The following BGN variants were observed in gnomAD, a reference collection of about 807,000 sequenced individuals.
BGN encodes the protein biglycan, also known as bone/cartilage proteoglycan-I.
BGN carries 6 observed loss-of-function variants against 20.0 expected under a neutral mutation model. The ratio of observed to expected loss-of-function variants is 0.30; its 90% CI spans 0.16 to 0.59. The LOEUF (loss-of-function observed/expected upper bound fraction) is 0.59. BGN is among the 20% of genes least tolerant of loss of function. The probability of loss-of-function intolerance (pLI) is 0.88; values close to 1 mark genes in which losing one functional copy is unlikely to be tolerated. For missense variants in BGN, 292 were observed against 312.1 expected, an observed-to-expected ratio of 0.94 and a Z score of 0.49; for synonymous variants, 146 against 134.6, an observed-to-expected ratio of 1.08 and a Z score of -0.59.
chrX:153,508,324 G>A lies in BGN; in HGVS notation c.986G>A (p.Arg329Gln), dbSNP rs192608410. ...TGTCCCATGGGCTTCGGGGTGAAGCGGGCCTACTACAACGGCATCAGCCTC... is the reference window on the plus strand; with the variant it reads ...TGTCCCATGGGCTTCGGGGTGAAGCAGGCCTACTACAACGGCATCAGCCTC... Reference protein sequence around the residue: ...DFCPMGFGVKRAYYNGISLFN... With the variant: ...DFCPMGFGVKQAYYNGISLFN... The change falls in exon 8 of 8, where the codon CGG becomes CAG. Residue 329 changes from arginine to glutamine, a missense_variant. Transcript: ENST00000331595. The A allele has an allele frequency of 2.1e-5, 26 of 1,210,920 alleles. No homozygotes were observed. The highest frequency in any genetic ancestry group is 1.2e-4 in the South Asian group (7 of 56,919).
At chrX:153,497,193 C>G (rs1376008064) in intron 1 of BGN, among the ~76,000 whole-genome samples, 1 of 104,949 alleles carries the variant, frequency 9.5e-6, no homozygotes, top group African/African-American at 3.5e-5. Context: ...AGAGCTTGGT[C>G]CCTGCCGCAC....
intron 1 of BGN, among the ~76,000 whole-genome samples, chrX:153,504,300 G>C (rs782626163): frequency 8.9e-6 from 1 of 112,614 alleles, no homozygotes; most frequent in South Asian, 3.6e-4. Context: ...AGACTCAGAG[G>C]CGTGGGGGCC....
intron 2 of BGN, 112 bp downstream of exon 2, chrX:153,504,981 G>C: frequency 1.2e-6 from 1 of 845,848 alleles, no homozygotes; most frequent in Non-Finnish European, 1.7e-6. Flanking sequence ...CGAGCATGAT[G>C]TAAGTGTAGG....
intron 1 of BGN, among the ~76,000 whole-genome samples, chrX:153,496,427 C>T (rs1389659258): frequency 2.7e-5 from 3 of 113,079 alleles, no homozygotes; most frequent in African/African-American, 6.4e-5. Context: ...TGTCTTGGTG[C>T]GGAGCATGCC....
At position 153,508,291 on chromosome X, in the gene BGN, A is replaced by G. The variant is rs1447183475; in HGVS notation, c.953A>G (p.Asn318Ser). 1.7e-6 allele frequency: 2 copies of G among 1,212,084 alleles called. No individual in the cohort carries two copies. The highest frequency in any genetic ancestry group is 2.2e-6 in the Non-Finnish European group (2 of 895,600). The change falls in exon 8 of 8, where the codon AAC becomes AGC. Residue 318 changes from asparagine (N) to serine (S), a missense_variant. By Grantham distance (46) the Asn-to-Ser change is conservative. Coordinates refer to ENST00000331595, the MANE Select transcript of BGN (RefSeq NM_001711.6). Reference protein sequence around the residue: ...HSNNITKVGVNDFCPMGFGVK... With the variant: ...HSNNITKVGVSDFCPMGFGVK... Reference sequence around the variant, plus strand: ...AACAACATCACCAAAGTGGGTGTCAACGACTTCTGTCCCATGGGCTTCGGG... The same window carrying G: ...AACAACATCACCAAAGTGGGTGTCAGCGACTTCTGTCCCATGGGCTTCGGG...
intron 1 of BGN, among the ~76,000 whole-genome samples, chrX:153,502,938 T>G (rs782273004): frequency 9.0e-6 from 1 of 111,419 alleles, no homozygotes; most frequent in South Asian, 3.8e-4. Context: ...TCCACAGGTG[T>G]GGGAGGGCGC....
At chrX:153,503,586 G>A (rs1169066471) in intron 1 of BGN, among the ~76,000 whole-genome samples, 3 of 112,360 alleles carry the variant, frequency 2.7e-5, no homozygotes, top group Non-Finnish European at 5.6e-5. Context: ...GCCTCTTCCT[G>A]TAGGGCACAT....
intron 1 of BGN, among the ~76,000 whole-genome samples, chrX:153,496,026 GC>G (rs1446463143): frequency 1.8e-5 from 2 of 112,363 alleles, no homozygotes; most frequent in Non-Finnish European, 3.8e-5. Flanking sequence ...GGAGGGGAGC[GC>G]CCCCTCACTG....
chrX:153,508,542 C>A lies in BGN; in HGVS notation c.*97C>A. The stretch of plus-strand genomic sequence containing the variant: ...GCAGAGCCAGGAAGCTAAGCCAGGG[C>A]CCAGCTGCGTCCAACCCAGCCCCCC... On this transcript the variant is annotated 3_prime_UTR_variant, in exon 8 of 8. Coordinates refer to ENST00000331595, the MANE Select transcript of BGN (RefSeq NM_001711.6). The A allele has an allele frequency of 9.9e-7, 1 of 1,008,093 alleles. No homozygotes were observed. 83.1% of individuals were successfully genotyped at this position (1,008,093 alleles called of 1,213,427 possible).
In BGN at chrX:153,508,582, AC is replaced by A. The variant is rs2089820263; in HGVS notation, c.*141del. 1.3e-6 allele frequency: 1 copy of A among 746,589 alleles called. No individual in the cohort carries two copies. 61.5% of individuals were successfully genotyped at this position (746,589 alleles called of 1,213,427 possible). The stretch of plus-strand genomic sequence containing the variant: ...CCCAGCCCCCCACCTCGGGTCCCTG[AC>A]CCCAGCTCGATGCCCCATCACCGCC... On this transcript the variant is annotated 3_prime_UTR_variant, in exon 8 of 8. Transcript: ENST00000331595.
intron 7 of BGN, among the ~76,000 whole-genome samples, chrX:153,507,587 C>T (rs1348150633): frequency 8.8e-6 from 1 of 113,143 alleles, no homozygotes; most frequent in Non-Finnish European, 1.9e-5. Context: ...TGGCCTGGCC[C>T]GCAACCAGGT....
chrX:153,507,250 G>A (rs1556993460), intron 7 of BGN, 65 bp downstream of exon 7: 33 of 1,122,636 alleles, frequency 2.9e-5, no homozygotes, highest in African/African-American at 3.6e-5. Context: ...GTGTGTCCCC[G>A]GGCAGTCCCT....
At chrX:153,501,023 C>T (rs1180765118) in intron 1 of BGN, among the ~76,000 whole-genome samples, 5 of 106,647 alleles carry the variant, frequency 4.7e-5, no homozygotes, top group Non-Finnish European at 3.9e-5. Context: ...GGTGTGTGCA[C>T]GTATATGTGT....
intron 3 of BGN, 81 bp from the exon 4 acceptor site, chrX:153,505,782 G>C: frequency 1.1e-6 from 1 of 901,878 alleles, no homozygotes; most frequent in Middle Eastern, 3.9e-4. Context: ...CAGTGGGCTG[G>C]GGAGGCACAG....
chrX:153,501,809 G>A (rs1556991944), intron 1 of BGN, among the ~76,000 whole-genome samples: 1 of 112,456 alleles, frequency 8.9e-6, no homozygotes. Flanking sequence ...ACGGGGCCCG[G>A]GTGTATGGGC....
chrX:153,508,571 T>C lies in BGN; in HGVS notation c.*126T>C. 1.2e-6 allele frequency: 1 copy of C among 839,456 alleles called. No homozygotes were observed. The highest frequency in any genetic ancestry group is 1.7e-6 in the Non-Finnish European group (1 of 602,674). 69.2% of individuals were successfully genotyped at this position (839,456 alleles called of 1,213,427 possible). A position where few individuals can be genotyped will look rare whatever the true frequency, so the allele number is the denominator to read the frequency against. On this transcript the variant is annotated 3_prime_UTR_variant, in exon 8 of 8. Coordinates refer to ENST00000331595, the MANE Select transcript of BGN (RefSeq NM_001711.6). ...GCTGCGTCCAACCCAGCCCCCCACC[T>C]CGGGTCCCTGACCCCAGCTCGATGC... is the stretch of plus-strand genomic sequence containing the variant.
intron 3 of BGN, 147 bp downstream of exon 3, chrX:153,505,497 C>G (rs1445263031): frequency 4.7e-5 from 24 of 513,183 alleles, no homozygotes; most frequent in Non-Finnish European, 6.4e-5. Context: ...ATGGGAGCTC[C>G]CGGGTTTGCG....
rs782805520 is a variant in BGN, at chrX:153,504,794, G to A, written c.163G>A (p.Val55Ile). The A allele has an allele frequency of 8.3e-7, 1 of 1,211,682 alleles. No homozygotes were observed. The highest frequency in any genetic ancestry group is 2.2e-5 in the Admixed American group (1 of 46,116). Residue 55 changes from valine (V) to isoleucine (I), a missense_variant, in exon 2 of 8, where the codon GTC becomes ATC. Coordinates refer to ENST00000331595, the MANE Select transcript of BGN (RefSeq NM_001711.6). ...CTCGGGCGTCCTGGACCCGGACTCT[G>A]TCACACCCACCTACAGCGCCATGTG... ...DTSGVLDPDS[V>I]TPTYSAMCPF...
chrX:153,508,591 C>T lies in BGN; in HGVS notation c.*146C>T, dbSNP rs1266985313. On this transcript the variant is annotated 3_prime_UTR_variant, in exon 8 of 8. Coordinates refer to ENST00000331595, the MANE Select transcript of BGN (RefSeq NM_001711.6). ...CCACCTCGGGTCCCTGACCCCAGCT[C>T]GATGCCCCATCACCGCCTCTCCCTG... 4.4e-6 allele frequency: 3 copies of T among 680,047 alleles called. No homozygotes were observed. The highest frequency in any genetic ancestry group is 3.4e-5 in the Admixed American group (1 of 29,701). The allele number at this position is 680,047 out of a possible 1,213,427, so 56.0% of individuals were successfully genotyped here.
Sources: allele counts gnomAD v4.1 joint callset (sites outside exome capture counted in the v4.1 genomes callset), GRCh38; gene constraint gnomAD v4.1.1; transcripts MANE v1.5; gene names NCBI Gene and HGNC (gene_info 2026-07-23, HGNC 2026-07-21).